DLG2: variants seen among roughly 807,000 people sequenced by gnomAD.
DLG2 encodes the protein disks large homolog 2.
Under a neutral mutation model 132.5 loss-of-function variants are expected in DLG2, and 45 were observed. The observed-to-expected ratio is 0.34, with a 90% confidence interval of 0.27 to 0.44. The LOEUF is 0.44. Ranked by LOEUF, DLG2 falls within the 20% of genes least tolerant of loss-of-function variation. DLG2 has a pLI of 1.00. For missense variants in DLG2, 1,045 were observed against 1,196.9 expected (o/e 0.87, Z 1.87); for synonymous variants, 424 against 419.6 (o/e 1.01, Z -0.13).
intron 6 of DLG2, among the ~76,000 whole-genome samples, chr11:85,094,165 G>GT (rs1456807228): frequency 2.6e-5 from 4 of 152,212 alleles, no homozygotes; most frequent in Non-Finnish European, 4.4e-5. Flanking sequence ...TGGCACTACA[G>GT]TAAACCATGC....
intron 21 of DLG2, among the ~76,000 whole-genome samples, chr11:83,493,336 TTTCC>T (rs201830272): frequency 0.15 from 20,023 of 131,010 alleles, 1,810 homozygotes; most frequent in Admixed American, 0.25. Flanking sequence ...CTTTTCTTTC[TTTCC>T]TTCCTTCCTT....
intron 11 of DLG2, among the ~76,000 whole-genome samples, chr11:83,987,427 T>A (rs1360124989): frequency 1.3e-5 from 2 of 152,084 alleles, no homozygotes; most frequent in Admixed American, 1.3e-4. Flanking sequence ...GGAGGCATCT[T>A]GCTACCTGAC....
intron 3 of DLG2, among the ~76,000 whole-genome samples, chr11:85,547,241 C>T (rs1367278561): frequency 1.3e-5 from 2 of 152,108 alleles, no homozygotes; most frequent in African/African-American, 4.8e-5. Flanking sequence ...TTTATTTCTC[C>T]TTCACTTATG....
intron 15 of DLG2, among the ~76,000 whole-genome samples, chr11:83,911,719 A>C (rs1382795627): frequency 6.6e-6 from 1 of 152,136 alleles, no homozygotes; most frequent in Admixed American, 6.6e-5. Flanking sequence ...TCAGAGCTAC[A>C]AAAAGTGTTC....
chr11:83,682,255 G>C (rs911400388), intron 18 of DLG2: 4 of 985,358 alleles, frequency 4.1e-6, no homozygotes, highest in Non-Finnish European at 4.8e-6. Context: ...TCTGCTGTCC[G>C]GTTCACACTT....
At chr11:83,860,120 C>T (rs1359943468) in intron 16 of DLG2, among the ~76,000 whole-genome samples, 1 of 152,186 alleles carries the variant, frequency 6.6e-6, no homozygotes, top group Non-Finnish European at 1.5e-5. Context: ...AAAACCTCTG[C>T]TAGGGCAGTG....
intron 11 of DLG2, among the ~76,000 whole-genome samples, chr11:84,035,311 G>T (rs2095833223): frequency 6.6e-6 from 1 of 152,136 alleles, no homozygotes; most frequent in African/African-American, 2.4e-5. Flanking sequence ...GGGCATAGCA[G>T]TGAACAAAAC....
chr11:84,278,633 T>A (rs573677234), intron 7 of DLG2, among the ~76,000 whole-genome samples: 30 of 152,270 alleles, frequency 2.0e-4, no homozygotes, highest in African/African-American at 6.3e-4. Flanking sequence ...TAATGCATCA[T>A]GACCAAGTAG....
At chr11:83,664,426 CTTT>C (rs560427308) in intron 18 of DLG2, among the ~76,000 whole-genome samples, 7 of 141,706 alleles carry the variant, frequency 4.9e-5, no homozygotes, top group Admixed American at 2.8e-4. Flanking sequence ...TCAAACCTCA[CTTT>C]TTTTTTTTTT....
At position 83,639,106 on chromosome 11, in the gene DLG2, G is replaced by A. The variant is rs151121143; in HGVS notation, c.1826-5781C>T. 2.9e-3 allele frequency among the ~76,000 whole-genome samples: 445 copies of A among 152,258 alleles called. 1 individual carries two copies. Among genetic ancestry groups the A allele is most frequent in the African/African-American group, 9.9e-3 (411 of 41,556 alleles). On this transcript the variant is annotated intron_variant, in intron 18 of 27. Transcript: ENST00000376104. ...AAACTGCCCAGCTGCTCATGTCTTC[G>A]AGACTCAGGTGGCTTACTTTGGTTC...
intron 3 of DLG2, among the ~76,000 whole-genome samples, chr11:85,495,769 T>A (rs1367663281): frequency 6.6e-6 from 1 of 152,192 alleles, no homozygotes. Context: ...GACCCAGCAA[T>A]TCCATTACTG....
intron 9 of DLG2, among the ~76,000 whole-genome samples, chr11:84,106,914 AGAGAAGTGTGTGTGT>A (rs2092975317): frequency 8.5e-6 from 1 of 116,982 alleles, no homozygotes; most frequent in African/African-American, 3.3e-5. Context: ...TGTGTGTGTG[AGAGAAGTGTGTGTGT>A]GTGAGTGTGT....
chr11:85,093,436 C>T (rs1395416739), intron 6 of DLG2, among the ~76,000 whole-genome samples: 3 of 152,102 alleles, frequency 2.0e-5, no homozygotes, highest in Non-Finnish European at 4.4e-5. Context: ...TGGAAATATC[C>T]TCACAGACAC....
intron 9 of DLG2, among the ~76,000 whole-genome samples, chr11:84,152,164 A>T (rs917189268): frequency 6.6e-6 from 1 of 151,956 alleles, no homozygotes; most frequent in African/African-American, 2.4e-5. Context: ...TCCCACTATT[A>T]TTATGTGGCT....
intron 3 of DLG2, among the ~76,000 whole-genome samples, chr11:85,400,939 T>TAA (rs948387073): frequency 5.6e-5 from 7 of 125,282 alleles, no homozygotes; most frequent in Non-Finnish European, 1.2e-4. Flanking sequence ...TAATAATAAT[T>TAA]AAAAAAAAAA....
At chr11:84,243,966 A>G (rs1465718222) in intron 8 of DLG2, among the ~76,000 whole-genome samples, 2 of 152,254 alleles carry the variant, frequency 1.3e-5, no homozygotes, top group Non-Finnish European at 2.9e-5. Flanking sequence ...ACAGAGGCTT[A>G]GAGAGGTGAT....
chr11:85,527,933 T>C (rs908140968), intron 3 of DLG2, among the ~76,000 whole-genome samples: 2 of 152,244 alleles, frequency 1.3e-5, no homozygotes, highest in Non-Finnish European at 2.9e-5. Flanking sequence ...TGATTTGCAT[T>C]TCTCTAATGA....
chr11:84,695,416 G>A (rs1227748121), intron 6 of DLG2, among the ~76,000 whole-genome samples: 1 of 151,430 alleles, frequency 6.6e-6, no homozygotes, highest in Non-Finnish European at 1.5e-5. Flanking sequence ...ACTCAACTTT[G>A]GGAATACCAC....
chr11:85,398,383 G>A (rs956524016), intron 3 of DLG2, among the ~76,000 whole-genome samples: 4 of 152,050 alleles, frequency 2.6e-5, no homozygotes, highest in Non-Finnish European at 5.9e-5. Flanking sequence ...AGAAGCTGGA[G>A]CAAACACATT....
Sources: allele counts gnomAD v4.1 joint callset (sites outside exome capture counted in the v4.1 genomes callset), GRCh38; gene constraint gnomAD v4.1.1; transcripts MANE v1.5; gene names NCBI Gene and HGNC (gene_info 2026-07-23, HGNC 2026-07-21).